Variants in REXO5 observed in about 807,000 individuals in gnomAD.
REXO5 encodes the protein RNA exonuclease 5, also known as exonuclease NEF-sp.
REXO5 carries 48 observed loss-of-function variants against 88.5 expected under a neutral mutation model. The ratio of observed to expected loss-of-function variants is 0.54; its 90% CI spans 0.43 to 0.69. The LOEUF is 0.69. REXO5 is among the 30% of genes least tolerant of loss of function. The pLI is 0.00. For synonymous variants in REXO5, 311 were observed against 336.5 expected, an observed-to-expected ratio of 0.92 and a Z score of 0.83; for missense variants, 749 against 912.2, an observed-to-expected ratio of 0.82 and a Z score of 2.30.
At chr16:20,847,655 G>GA (rs764505313) in intron 19 of REXO5, among the ~76,000 whole-genome samples, 37 of 151,902 alleles carry the variant, frequency 2.4e-4, no homozygotes, top group Non-Finnish European at 4.6e-4. Context: ...ACATTGAGGG[G>GA]AAAAAAAATC....
At chr16:20,815,680 T>C (rs568199797) in intron 4 of REXO5, among the ~76,000 whole-genome samples, 105 of 152,246 alleles carry the variant, frequency 6.9e-4, no homozygotes, top group African/African-American at 2.4e-3. Context: ...ATTTTGTACA[T>C]GAGAAACTGA....
chr16:20,827,044 T>G lies in REXO5; in HGVS notation c.822-14T>G, dbSNP rs2081269622. On this transcript the variant is annotated splice_polypyrimidine_tract_variant and intron_variant, in intron 8 of 19. Transcript: ENST00000261377. ...AATATCCTAGCCTGTCCATTTCTCTTTTTTTAATGAAAGCTTTTCGGGAAT... is the reference window on the plus strand; with the variant it reads ...AATATCCTAGCCTGTCCATTTCTCTGTTTTTAATGAAAGCTTTTCGGGAAT... 1.2e-6 allele frequency: 2 copies of G among 1,613,532 alleles called. No homozygotes were observed. Among genetic ancestry groups the G allele is most frequent in the African/African-American group, 2.7e-5 (2 of 74,914 alleles).
chr16:20,818,522 G>A (rs747530728), intron 5 of REXO5, among the ~76,000 whole-genome samples: 31 of 152,218 alleles, frequency 2.0e-4, no homozygotes, highest in Non-Finnish European at 4.1e-4. Context: ...AGGCTGGAGT[G>A]CAGTGGGATG....
Position 20,807,000 on chromosome 16 carries a change from G to A in REXO5, c.47G>A (p.Arg16Lys), listed in dbSNP as rs903827165. The change falls in exon 2 of 20, where the codon AGG becomes AAG. Residue 16 changes from arginine to lysine, a missense_variant. Physicochemically the swap from Arg to Lys is conservative, Grantham distance 26. Coordinates refer to ENST00000261377, the MANE Select transcript of REXO5 (RefSeq NM_030941.3). ...ACCGAGAGACACCCCAGGAAGGTCA[G>A]GGAAAGCAGGCAGGCCCCAAATAAG... is the stretch of plus-strand genomic sequence containing the variant. ...EGTERHPRKVRESRQAPNKLV... is the reference protein window; with the variant it reads ...EGTERHPRKVKESRQAPNKLV... 3 of 1,601,200 alleles carry A rather than the reference G, an allele frequency of 1.9e-6. No homozygotes were observed. Among genetic ancestry groups the A allele is most frequent in the South Asian group, 2.3e-5 (2 of 88,398 alleles).
intron 8 of REXO5, among the ~76,000 whole-genome samples, chr16:20,826,349 T>A (rs1421122841): frequency 6.6e-6 from 1 of 152,220 alleles, no homozygotes; most frequent in Non-Finnish European, 1.5e-5. Flanking sequence ...AACAAATATT[T>A]TTCATAACAG....
chr16:20,843,004 T>A, intron 15 of REXO5, among the ~76,000 whole-genome samples: 1 of 152,290 alleles, frequency 6.6e-6, no homozygotes, highest in South Asian at 2.1e-4. Context: ...CACTGACACT[T>A]GTTTTCTATT....
Position 20,840,439 on chromosome 16 carries a change from T to C in REXO5, c.1597T>C (p.Ser533Pro). ...GTTTAAAAGCTTTGGCCCAGTCCAG[T>C]CAATGACTTTTGTTCTTGAAACCCG... ...RLFKSFGPVQ[S>P]MTFVLETRQP... is the part of the protein sequence containing the mutation. The change falls in exon 15 of 20, where the codon TCA becomes CCA. Residue 533 changes from serine (S) to proline (P), a missense_variant. By Grantham distance (74) the Ser-to-Pro change is moderately conservative. Coordinates refer to ENST00000261377, the MANE Select transcript of REXO5 (RefSeq NM_030941.3). 1.3e-6 allele frequency: 2 copies of C among 1,561,984 alleles called. No individual in the cohort carries two copies. Among genetic ancestry groups the C allele is most frequent in the Non-Finnish European group, 1.7e-6 (2 of 1,143,522 alleles).
rs547115381 is a variant in REXO5 at position 20,807,899 on chromosome 16, G to A, written c.138+808G>A. On this transcript the variant is annotated intron_variant, in intron 2 of 19. Transcript: ENST00000261377. Reference sequence around the variant, plus strand: ...ACCCCCTGTGCACAGACTAGTACCTGCCTGTCCATGGGGTCCCCAACCCAC... The same window carrying A: ...ACCCCCTGTGCACAGACTAGTACCTACCTGTCCATGGGGTCCCCAACCCAC... 2.3e-4 allele frequency among the ~76,000 whole-genome samples: 35 copies of A among 152,154 alleles called. No homozygotes were observed. The South Asian group carries it at 3.5e-3, about 15-fold the overall frequency.
rs765055547 is a variant in REXO5, at chr16:20,816,091, G to A, written c.379-25G>A. ...ATTTTAGCTGTTTTCAACCATTTTT[G>A]TAAAACCTGTTAATATATTTTCAGA... On this transcript the variant is annotated intron_variant, in intron 4 of 19. Transcript: ENST00000261377. 147 of 1,601,380 alleles carry A rather than the reference G, an allele frequency of 9.2e-5. 1 individual carries two copies. The East Asian group carries it at 3.2e-3, about 35-fold the overall frequency.
In REXO5 at chr16:20,844,762, A is replaced by G. The variant is rs763735158; in HGVS notation, c.1853A>G (p.Glu618Gly). Residue 618 changes from glutamate (E) to glycine (G), a missense_variant, in exon 17 of 20, where the codon GAG becomes GGG. Physicochemically the swap from Glu to Gly is moderately conservative, Grantham distance 98. Transcript: ENST00000261377. ...SETFKEQLLQ[E>G]PRLFLGLEAV... ...ACCTTCAAAGAACAGCTATTGCAGG[A>G]GCCCCGCCTCTTTCTTGGCCTGGAA... 1 of 1,614,188 alleles carries G rather than the reference A, an allele frequency of 6.2e-7. No homozygotes were observed. Among genetic ancestry groups the G allele is most frequent in the South Asian group, 1.1e-5 (1 of 91,082 alleles).
chr16:20,846,184 G>A (rs1289593582), intron 18 of REXO5, 37 bp from the exon 19 acceptor site: 3 of 1,515,838 alleles, frequency 2.0e-6, no homozygotes, highest in African/African-American at 1.4e-5. Flanking sequence ...ACGAGAGAGT[G>A]TTCTGGCTGA....
Position 20,828,504 on chromosome 16 carries a change from G to A in REXO5, c.1125G>A (p.Leu375=), listed in dbSNP as rs1163572134. 18 of 1,613,888 alleles carry A rather than the reference G, an allele frequency of 1.1e-5. No homozygotes were observed. The highest frequency in any genetic ancestry group is 1.5e-5 in the Non-Finnish European group (18 of 1,179,856). Residue 375 remains leucine, a synonymous_variant, in exon 11 of 20, where the codon TTG becomes TTA. Coordinates refer to ENST00000261377, the MANE Select transcript of REXO5 (RefSeq NM_030941.3). ...AAGATGCTAGAACAATCCTTGAATT[G>A]GCTCGGTATTTCCTTAAGCATGGCC... ...ATEDARTILE[L]ARYFLKHGPK... is the part of the protein sequence containing the mutation.
chr16:20,837,147 T>C (rs2081444321), intron 13 of REXO5, among the ~76,000 whole-genome samples: 2 of 152,348 alleles, frequency 1.3e-5, no homozygotes, highest in South Asian at 2.1e-4. Flanking sequence ...CTCTACTCTT[T>C]GTTATTCAGT....
At chr16:20,813,342 T>TTA in intron 3 of REXO5, 40 bp downstream of exon 3, 78 of 1,046,884 alleles carry the variant, frequency 7.5e-5, no homozygotes, top group Non-Finnish European at 9.4e-5. Context: ...GACCAGCGGT[T>TTA]TCTTTTTTTT....
chr16:20,839,438 G>C (rs1409990774), intron 13 of REXO5, among the ~76,000 whole-genome samples: 1 of 151,744 alleles, frequency 6.6e-6, no homozygotes, highest in African/African-American at 2.4e-5. Context: ...CAGGCTTGCA[G>C]CAGTTTACAA....
intron 5 of REXO5, among the ~76,000 whole-genome samples, chr16:20,818,507 C>A (rs1198412141): frequency 6.6e-6 from 1 of 152,160 alleles, no homozygotes; most frequent in Non-Finnish European, 1.5e-5. Flanking sequence ...CTCGCTCTGT[C>A]GCTGAGGCTG....
At position 20,839,808 on chromosome 16, in the gene REXO5, G is replaced by A. The variant is rs1231776083; in HGVS notation, c.1437G>A (p.Gln479=). The change falls in exon 14 of 20, where the codon CAG becomes CAA. Residue 479 remains glutamine, a synonymous_variant. Transcript: ENST00000261377. ...EIPLFPFSIV[Q]FSFKAFSPVL... is the part of the protein sequence containing the mutation. ...CCCTGTTTCCCTTCAGCATTGTTCAGTTCTCTTTTAAGGCCTTTTCACCTG... is the reference window on the plus strand; with the variant it reads ...CCCTGTTTCCCTTCAGCATTGTTCAATTCTCTTTTAAGGCCTTTTCACCTG... 1.2e-6 allele frequency: 2 copies of A among 1,613,954 alleles called. No individual in the cohort carries two copies. The highest frequency in any genetic ancestry group is 1.7e-6 in the Non-Finnish European group (2 of 1,179,868).
At chr16:20,813,480 G>A (rs576934183) in intron 3 of REXO5, among the ~76,000 whole-genome samples, 178 bp downstream of exon 3, 4 of 151,408 alleles carry the variant, frequency 2.6e-5, no homozygotes, top group South Asian at 4.2e-4. Flanking sequence ...TGTTAATTCT[G>A]GAAATTCCTA....
chr16:20,831,525 G>A (rs1409742535), intron 11 of REXO5, among the ~76,000 whole-genome samples: 1 of 152,084 alleles, frequency 6.6e-6, no homozygotes, highest in African/African-American at 2.4e-5. Context: ...AGGTAAAAAT[G>A]GAGGTATGCT....
Sources: allele counts gnomAD v4.1 joint callset (sites outside exome capture counted in the v4.1 genomes callset), GRCh38; gene constraint gnomAD v4.1.1; transcripts MANE v1.5; gene names NCBI Gene and HGNC (gene_info 2026-07-23, HGNC 2026-07-21).